CKAP5: variants seen among roughly 807,000 people sequenced by gnomAD.
The protein encoded by CKAP5 is cytoskeleton-associated protein 5.
CKAP5 carries 27 observed loss-of-function variants against 232.8 expected under a neutral mutation model. The observed-to-expected ratio is 0.12, with a 90% CI of 0.09 to 0.16. The LOEUF is 0.16. CKAP5 is among the 10% of genes least tolerant of loss of function. CKAP5 has a pLI of 1.00. For missense variants in CKAP5, 1,838 were observed against 2,424.7 expected, an observed-to-expected ratio of 0.76 and a Z score of 5.08; for synonymous variants, 785 against 841.1, an observed-to-expected ratio of 0.93 and a Z score of 1.16.
chr11:46,743,132 C>T lies in CKAP5; in HGVS notation c.*891G>A, dbSNP rs1302082261. ...CAAGCAGCAAACCACTAAGATTTCCCAAACTCCATTAGTCAAATGAACACA... is the reference window on the plus strand; with the variant it reads ...CAAGCAGCAAACCACTAAGATTTCCTAAACTCCATTAGTCAAATGAACACA... On this transcript the variant is annotated 3_prime_UTR_variant, in exon 44 of 44. Coordinates refer to ENST00000529230, the MANE Select transcript of CKAP5 (RefSeq NM_001008938.4). 1 of 152,192 alleles carries T rather than the reference C, an allele frequency of 6.6e-6. No individual in the cohort carries two copies. The highest frequency in any genetic ancestry group is 1.5e-5 in the Non-Finnish European group (1 of 68,042). The allele number at this position is 152,192 out of a possible 1,614,324, so 9.4% of individuals were successfully genotyped here.
intron 38 of CKAP5, 22 bp from the exon 39 acceptor site, chr11:46,751,556 A>C: frequency 6.4e-7 from 1 of 1,567,608 alleles, no homozygotes; most frequent in Non-Finnish European, 8.7e-7. Flanking sequence ...AGAATAAAAG[A>C]GTTAGGAGTG....
intron 1 of CKAP5, among the ~76,000 whole-genome samples, chr11:46,843,134 G>T (rs1427945450): frequency 6.6e-6 from 1 of 151,742 alleles, no homozygotes; most frequent in Admixed American, 6.6e-5. Flanking sequence ...ACCATTAAGG[G>T]GTTCCAAACA....
At chr11:46,776,649 T>C (rs1369773587) in intron 23 of CKAP5, among the ~76,000 whole-genome samples, 2 of 152,222 alleles carry the variant, frequency 1.3e-5, no homozygotes, top group Non-Finnish European at 2.9e-5. Flanking sequence ...TAAAATATCA[T>C]GTAAGAAGAA....
intron 26 of CKAP5, among the ~76,000 whole-genome samples, chr11:46,769,589 G>A (rs1483012243): frequency 1.3e-5 from 2 of 152,018 alleles, no homozygotes; most frequent in African/African-American, 4.8e-5. Context: ...CCAGCAACTT[G>A]GGAGGATGAG....
rs967268175 is a variant in CKAP5, at chr11:46,761,889, C to G, written c.4221+111G>C. On this transcript the variant is annotated intron_variant, in intron 32 of 43. Coordinates refer to ENST00000529230, the MANE Select transcript of CKAP5 (RefSeq NM_001008938.4). The stretch of plus-strand genomic sequence containing the variant: ...AGGACACATTGATAGGTTGAGTTGA[C>G]TAAAAAGTAGTAAAAACTTAGCTAC... 25 of 805,092 alleles carry G rather than the reference C, an allele frequency of 3.1e-5. No homozygotes were observed. The Admixed American group carries it at 6.4e-4, about 21-fold the overall frequency. 49.9% of individuals were successfully genotyped at this position (805,092 alleles called of 1,614,324 possible). A position where few individuals can be genotyped will look rare whatever the true frequency, so the allele number is the denominator to read the frequency against.
intron 16 of CKAP5, among the ~76,000 whole-genome samples, chr11:46,787,229 G>GC (rs547920480): frequency 1.2e-3 from 182 of 152,296 alleles, no homozygotes; most frequent in Middle Eastern, 0.01. Context: ...CCTTTGTGGA[G>GC]CTGGCCTATA....
chr11:46,743,258 T>C lies in CKAP5; in HGVS notation c.*765A>G, dbSNP rs1031594785. On this transcript the variant is annotated 3_prime_UTR_variant, in exon 44 of 44. Transcript: ENST00000529230. ...AGTGGTAGGATGCCCAAGAGCTTCT[T>C]GAAACGACTGGTGATAATTGGAGGG... 1 of 152,174 alleles carries C rather than the reference T, an allele frequency of 6.6e-6. No homozygotes were observed. Among genetic ancestry groups the C allele is most frequent in the Admixed American group, 6.6e-5 (1 of 15,264 alleles). The allele number at this position is 152,174 out of a possible 1,614,324, so 9.4% of individuals were successfully genotyped here. A position where few individuals can be genotyped will look rare whatever the true frequency, so the allele number is the denominator to read the frequency against.
chr11:46,770,778 G>C lies in CKAP5; in HGVS notation c.3186+10C>G. On this transcript the variant is annotated intron_variant, in intron 25 of 43. Transcript: ENST00000529230. ...CTTTTAACAGCAGTAGCAGCAACAA[G>C]AAGTAGTACCTTTAGTTTCCCAGTA... 2 of 1,611,152 alleles carry C rather than the reference G, an allele frequency of 1.2e-6. No homozygotes were observed. The highest frequency in any genetic ancestry group is 8.5e-7 in the Non-Finnish European group (1 of 1,178,350).
intron 3 of CKAP5, 151 bp from the exon 4 acceptor site, chr11:46,816,555 AAACTT>A: frequency 3.2e-6 from 2 of 617,114 alleles, no homozygotes; most frequent in Non-Finnish European, 5.6e-6. Flanking sequence ...AATATTTTAA[AAACTT>A]AACGTTAAAC....
intron 9 of CKAP5, among the ~76,000 whole-genome samples, chr11:46,799,898 G>C (rs947804551): frequency 6.6e-6 from 1 of 152,072 alleles, no homozygotes; most frequent in Non-Finnish European, 1.5e-5. Flanking sequence ...CTACTCAGGA[G>C]ACTGAGGTGG....
rs148538434 is a variant in CKAP5 at position 46,818,405 on chromosome 11, C to T, written c.156G>A (p.Leu52=). ...KSPEWSKFLG[L]IKKFVTDSNA... is the part of the protein sequence containing the mutation. ...TGGAATCAGTGACAAATTTTTTGAT[C>T]AATCCTAAAAATTTGGACCACTCTG... is the stretch of plus-strand genomic sequence containing the variant. Residue 52 remains leucine, a synonymous_variant, in exon 3 of 44, where the codon TTG becomes TTA. Coordinates refer to ENST00000529230, the MANE Select transcript of CKAP5 (RefSeq NM_001008938.4). 1.1e-4 allele frequency: 177 copies of T among 1,611,746 alleles called. 1 individual carries two copies. In the African/African-American group the frequency reaches 2.1e-3, roughly 19 times the overall value.
intron 38 of CKAP5, among the ~76,000 whole-genome samples, chr11:46,751,754 A>G (rs2065066182): frequency 6.6e-6 from 1 of 151,990 alleles, no homozygotes; most frequent in Admixed American, 6.6e-5. Flanking sequence ...CTAATCATCC[A>G]TCTCTACTCC....
In CKAP5 at chr11:46,797,981, A is replaced by G. The variant is rs768468249; in HGVS notation, c.1174-12T>C. 7 of 1,609,198 alleles carry G rather than the reference A, an allele frequency of 4.3e-6. No individual in the cohort carries two copies. The highest frequency in any genetic ancestry group is 5.9e-6 in the Non-Finnish European group (7 of 1,178,452). ...TTCTGTAGTGTGGTCTTTAGAAAGAAAATGTGGTTAATGAGCTTTTTTCAA... is the reference window on the plus strand; with the variant it reads ...TTCTGTAGTGTGGTCTTTAGAAAGAGAATGTGGTTAATGAGCTTTTTTCAA... On this transcript the variant is annotated splice_polypyrimidine_tract_variant and intron_variant, in intron 10 of 43. Transcript: ENST00000529230.
At chr11:46,841,779 T>C (rs1376398223) in intron 1 of CKAP5, among the ~76,000 whole-genome samples, 1 of 152,042 alleles carries the variant, frequency 6.6e-6, no homozygotes, top group Admixed American at 6.5e-5. Context: ...GGCAGGAGGA[T>C]CACGAGGTTA....
chr11:46,747,150 A>G (rs1304540136), intron 42 of CKAP5, among the ~76,000 whole-genome samples: 2 of 152,078 alleles, frequency 1.3e-5, no homozygotes, highest in Non-Finnish European at 2.9e-5. Flanking sequence ...AAATAATCTT[A>G]TGGGACCACC....
rs368218392 is a variant in CKAP5, at chr11:46,842,100, G to A, written c.-38+4120C>T. ...AGAAAGTGGTGGGTTGGACCTTCCC[G>A]CTAGACCAAGCTCAGCTTTCAGTGA... On this transcript the variant is annotated intron_variant, in intron 1 of 43. Coordinates refer to ENST00000529230, the MANE Select transcript of CKAP5 (RefSeq NM_001008938.4). Among the ~76,000 whole-genome samples, 19 of 151,450 alleles carry A rather than the reference G, an allele frequency of 1.3e-4. No individual in the cohort carries two copies. In the East Asian group the frequency reaches 2.5e-3, roughly 20 times the overall value.
At chr11:46,761,240 C>A (rs1344193808) in intron 32 of CKAP5, among the ~76,000 whole-genome samples, 15 of 143,104 alleles carry the variant, frequency 1.0e-4, no homozygotes, top group South Asian at 2.3e-4. Context: ...CAGAGCAAGA[C>A]CCTGTCTCAA....
At position 46,777,459 on chromosome 11, in the gene CKAP5, T is replaced by C; in HGVS notation, c.2842A>G (p.Thr948Ala). 6.2e-7 allele frequency: 1 copy of C among 1,610,952 alleles called. No homozygotes were observed. The highest frequency in any genetic ancestry group is 8.5e-7 in the Non-Finnish European group (1 of 1,177,092). ...HVKNLGIPII[T>A]VLGDSKNNVR... ...TTTACCTTGCTGTCTCCAAGGACTG[T>C]GATGATAGGGATGCCTAAATTTTTT... The change falls in exon 23 of 44, where the codon ACA (threonine) becomes GCA (alanine). Residue 948 changes from threonine to alanine, a missense_variant. This residue lies in a region of CKAP5 where 767 missense variants were observed against 954.6 expected (regional missense o/e 0.80). Coordinates refer to ENST00000529230, the MANE Select transcript of CKAP5 (RefSeq NM_001008938.4).
chr11:46,770,060 T>C lies in CKAP5; in HGVS notation c.3225A>G (p.Lys1075=). The part of the protein sequence containing the change: ...SKDQVLAMLE[K]AKVNMPAKPA... The stretch of plus-strand genomic sequence containing the variant: ...GCTTGGCTGGCATGTTAACTTTGGC[T>C]TTCTCTAGCATGGCCAATACCTGAT... The change falls in exon 26 of 44, where the codon AAA becomes AAG. Residue 1075 remains lysine (K), a synonymous_variant. Coordinates refer to ENST00000529230, the MANE Select transcript of CKAP5 (RefSeq NM_001008938.4). 4 of 1,614,172 alleles carry C rather than the reference T, an allele frequency of 2.5e-6. No individual in the cohort carries two copies. The African/African-American group carries it at 4.0e-5, about 16-fold the overall frequency.
Sources: allele counts gnomAD v4.1 joint callset (sites outside exome capture counted in the v4.1 genomes callset), GRCh38; gene constraint gnomAD v4.1.1; regional missense constraint gnomAD v4.1.1; transcripts MANE v1.5; gene names NCBI Gene and HGNC (gene_info 2026-07-23, HGNC 2026-07-21).